The following PCDHA2 variants were observed in gnomAD, a reference collection of about 807,000 sequenced individuals.
PCDHA2 encodes protocadherin alpha-2.
In PCDHA2, 58 loss-of-function variants were observed where a neutral mutation model predicts 66.0. The ratio of observed to expected loss-of-function variants is 0.88; its 90% CI spans 0.71 to 1.09. The LOEUF (loss-of-function observed/expected upper bound fraction) is 1.09. PCDHA2 is among the 50% of genes least tolerant of loss of function. PCDHA2 has a pLI of 0.00. For synonymous variants in PCDHA2, 634 were observed against 554.0 expected (o/e 1.14, Z -2.03); for missense variants, 1,267 against 1,242.3 (o/e 1.02, Z -0.30).
intron 1 of PCDHA2, chr5:140,857,217 C>T: frequency 1.9e-6 from 3 of 1,598,492 alleles, no homozygotes; most frequent in South Asian, 2.2e-5. Flanking sequence ...TCTCTGACGC[C>T]TCACGTTCCG....
At chr5:140,821,287 A>T (rs1180912699) in intron 1 of PCDHA2, among the ~76,000 whole-genome samples, 1 of 152,024 alleles carries the variant, frequency 6.6e-6, no homozygotes, top group Non-Finnish European at 1.5e-5. Context: ...AAATATATAA[A>T]CTCCTCCCTA....
At chr5:140,941,624 T>A (rs2093131699) in intron 1 of PCDHA2, among the ~76,000 whole-genome samples, 1 of 151,964 alleles carries the variant, frequency 6.6e-6, no homozygotes, top group Non-Finnish European at 1.5e-5. Flanking sequence ...CCATCCTGCT[T>A]CTTAATTTCT....
At chr5:140,830,327 GGGAGCT>G (rs1183196628) in intron 1 of PCDHA2, 2 of 1,613,914 alleles carry the variant, frequency 1.2e-6, no homozygotes, top group Non-Finnish European at 1.7e-6. Flanking sequence ...CAGCGCAGTG[GGGAGCT>G]GGTCGTACTC....
intron 1 of PCDHA2, chr5:140,857,813 G>A (rs17844346): frequency 6.3e-7 from 1 of 1,597,700 alleles, no homozygotes; most frequent in African/African-American, 1.3e-5. Flanking sequence ...TGCGGGTCAC[G>A]TGGTGGCTAA....
intron 1 of PCDHA2, among the ~76,000 whole-genome samples, chr5:140,939,879 T>C (rs565550218): frequency 2.0e-5 from 3 of 152,208 alleles, no homozygotes; most frequent in Non-Finnish European, 4.4e-5. Flanking sequence ...CTTTGCTAGT[T>C]GTGTTGTTCA....
At chr5:140,816,460 T>C (rs1765910605) in intron 1 of PCDHA2, 1 of 152,214 alleles carries the variant, frequency 6.6e-6, no homozygotes, top group Non-Finnish European at 1.5e-5. Flanking sequence ...CTTTGTCAAG[T>C]AATTCACATA....
intron 1 of PCDHA2, among the ~76,000 whole-genome samples, chr5:140,953,196 TA>T (rs1166571162): frequency 6.6e-6 from 1 of 152,156 alleles, no homozygotes; most frequent in Non-Finnish European, 1.5e-5. Context: ...TTGATTAGAC[TA>T]AAAATGCAAA....
rs1026448396 is a variant in PCDHA2 at position 140,869,464 on chromosome 5, G to A, written c.2388+72112G>A. 1.1e-5 allele frequency: 18 copies of A among 1,614,080 alleles called. No individual in the cohort carries two copies. Among genetic ancestry groups the A allele is most frequent in the Non-Finnish European group, 1.4e-5 (17 of 1,180,040 alleles). ...GCCGCTGCAGGTTTTCCATGTGAAC[G>A]TGGAGGTGAAGGACATTAACGACAA... On this transcript the variant is annotated intron_variant, in intron 1 of 3. Transcript: ENST00000526136.
intron 3 of PCDHA2, among the ~76,000 whole-genome samples, chr5:140,996,269 T>C (rs1183604392): frequency 6.6e-6 from 1 of 152,194 alleles, no homozygotes; most frequent in East Asian, 1.9e-4. Context: ...GAGCCTGGGA[T>C]TGCTGCCAAA....
At position 140,834,924 on chromosome 5, in the gene PCDHA2, G is replaced by C; in HGVS notation, c.2388+37572G>C. ...GAGCCCCAATGAGTATTTCTTCCTG[G>C]ACGTGCCAACCAGCAACCAGCAGGT... On this transcript the variant is annotated intron_variant, in intron 1 of 3. Coordinates refer to ENST00000526136, the MANE Select transcript of PCDHA2 (RefSeq NM_018905.3). 1.9e-6 allele frequency: 3 copies of C among 1,585,868 alleles called. No homozygotes were observed. The South Asian group carries it at 3.4e-5, about 18-fold the overall frequency.
chr5:140,837,515 A>C (rs1170524958), intron 1 of PCDHA2, among the ~76,000 whole-genome samples: 2 of 96,498 alleles, frequency 2.1e-5, no homozygotes, highest in African/African-American at 1.1e-4. Context: ...GAAGCAGTTT[A>C]CTTTTTTTGT....
intron 1 of PCDHA2, among the ~76,000 whole-genome samples, chr5:140,912,282 C>A (rs1211433751): frequency 6.6e-6 from 1 of 151,982 alleles, no homozygotes; most frequent in African/African-American, 2.4e-5. Flanking sequence ...TACCCAGGAA[C>A]AATACTTTGC....
intron 1 of PCDHA2, among the ~76,000 whole-genome samples, chr5:140,919,193 T>C (rs1444043948): frequency 6.6e-6 from 1 of 152,262 alleles, no homozygotes; most frequent in African/African-American, 2.4e-5. Flanking sequence ...ATTGGTCCTT[T>C]TGTCATTATA....
intron 3 of PCDHA2, among the ~76,000 whole-genome samples, chr5:140,990,421 G>A (rs374181612): frequency 2.6e-5 from 4 of 152,190 alleles, no homozygotes; most frequent in Non-Finnish European, 5.9e-5. Flanking sequence ...CTTTCAACCA[G>A]CATTGACCCA....
At chr5:140,836,816 T>G in intron 1 of PCDHA2, 1 of 1,201,468 alleles carries the variant, frequency 8.3e-7, no homozygotes, top group Non-Finnish European at 1.2e-6. Context: ...TCTTTCATAA[T>G]TTCTTTTTTA....
At chr5:140,807,786 T>G in intron 1 of PCDHA2, 2 of 1,614,120 alleles carry the variant, frequency 1.2e-6, no homozygotes, top group South Asian at 2.2e-5. Flanking sequence ...CGGAAATCTT[T>G]AGACAGAGAA....
intron 1 of PCDHA2, chr5:140,869,088 G>A (rs1581866971): frequency 6.3e-7 from 1 of 1,587,910 alleles, no homozygotes; most frequent in Non-Finnish European, 8.6e-7. Context: ...TATTTTGGAA[G>A]CCAATTTCGT....
chr5:140,884,230 C>T, intron 1 of PCDHA2: 8 of 1,613,384 alleles, frequency 5.0e-6, no homozygotes, highest in Non-Finnish European at 6.8e-6. Flanking sequence ...TGAAGGACCA[C>T]GGTGAGCCCG....
intron 1 of PCDHA2, among the ~76,000 whole-genome samples, chr5:140,833,426 G>T (rs1488860880): frequency 1.3e-5 from 2 of 152,166 alleles, no homozygotes; most frequent in Admixed American, 6.5e-5. Flanking sequence ...ATGTGAGATG[G>T]CTGAGCACTG....
Sources: allele counts gnomAD v4.1 joint callset (sites outside exome capture counted in the v4.1 genomes callset), GRCh38; gene constraint gnomAD v4.1.1; transcripts MANE v1.5; gene names NCBI Gene and HGNC (gene_info 2026-07-23, HGNC 2026-07-21).